EVC2: variants seen among roughly 807,000 people sequenced by gnomAD.
EVC2 encodes the protein EvC ciliary complex subunit 2.
A neutral mutation model predicts 149.3 loss-of-function variants in EVC2; 148 were observed. The observed-to-expected ratio is 0.99, with a 90% CI of 0.87 to 1.14. The LOEUF (loss-of-function observed/expected upper bound fraction) is 1.14. Ranked by LOEUF, EVC2 falls within the 50% of genes most tolerant of loss-of-function variation. The pLI is 0.00. For missense variants in EVC2, 1,854 were observed against 1,627.3 expected, an observed-to-expected ratio of 1.14 and a Z score of -2.40; for synonymous variants, 776 against 649.9, an observed-to-expected ratio of 1.19 and a Z score of -2.95.
chr4:5,667,939 C>T (rs1238953819), intron 7 of EVC2, among the ~76,000 whole-genome samples: 1 of 152,226 alleles, frequency 6.6e-6, no homozygotes, highest in African/African-American at 2.4e-5. Flanking sequence ...ATCCTGAAAT[C>T]CAAGTTTCCA....
chr4:5,637,153 G>A lies in EVC2; in HGVS notation c.1470+3361C>T, dbSNP rs1716939554. Among the ~76,000 whole-genome samples, 2 of 152,172 alleles carry A rather than the reference G, an allele frequency of 1.3e-5. No individual in the cohort carries two copies. Among genetic ancestry groups the A allele is most frequent in the South Asian group, 2.1e-4 (1 of 4,826 alleles). On this transcript the variant is annotated intron_variant, in intron 10 of 21. Transcript: ENST00000344408. The surrounding 1 kb of genome is among the most constrained non-coding windows in gnomAD (Gnocchi z 4.4). ...GCGTGACAGATGGGAGTAGGGCACC[G>A]ACCCAGCATCCTATCCTCATGCTCT...
At chr4:5,558,183 G>A (rs1721873300), downstream of EVC2, among the ~76,000 whole-genome samples, 1 of 152,170 alleles carries the variant, frequency 6.6e-6, no homozygotes, top group Admixed American at 6.5e-5. Flanking sequence ...CAGTAATCAA[G>A]ATAGTGTGGT....
At position 5,631,869 on chromosome 4, in the gene EVC2, A is replaced by T; in HGVS notation, c.1634T>A (p.Ile545Lys). 1 of 1,614,226 alleles carries T rather than the reference A, an allele frequency of 6.2e-7. No individual in the cohort carries two copies. Among genetic ancestry groups the T allele is most frequent in the East Asian group, 2.2e-5 (1 of 44,886 alleles). The change falls in exon 11 of 22, where the codon ATA becomes AAA. Residue 545 changes from isoleucine to lysine, a missense_variant. Physicochemically the swap from Ile to Lys is moderately radical, Grantham distance 102. Coordinates refer to ENST00000344408, the MANE Select transcript of EVC2 (RefSeq NM_147127.5). Reference protein sequence around the residue: ...NELHSIFFTQIKSAIFKGELK... With the variant: ...NELHSIFFTQKKSAIFKGELK... The stretch of plus-strand genomic sequence containing the variant: ...TTCCCCTTTGAAAATAGCACTTTTT[A>T]TCTGGGTAAAAAAGATACTGTGCAG...
intron 7 of EVC2, among the ~76,000 whole-genome samples, chr4:5,678,130 G>A (rs1374389377): frequency 2.0e-5 from 3 of 152,204 alleles, no homozygotes; most frequent in Admixed American, 1.3e-4. Context: ...GATTTTGGGA[G>A]GGTTTCCACT....
At chr4:5,703,861 G>T (rs549536169) in intron 1 of EVC2, among the ~76,000 whole-genome samples, 1 of 152,236 alleles carries the variant, frequency 6.6e-6, no homozygotes, top group East Asian at 1.9e-4. Flanking sequence ...GAGTAATGGG[G>T]GTTGCCATTT....
At chr4:5,604,368 G>T (rs1016128646) in intron 16 of EVC2, among the ~76,000 whole-genome samples, 1 of 152,150 alleles carries the variant, frequency 6.6e-6, no homozygotes, top group Non-Finnish European at 1.5e-5. Context: ...GAATAACACG[G>T]GTTTGAATTG....
In EVC2 at chr4:5,708,532, A is replaced by G. The variant is rs188508515; in HGVS notation, c.-19T>C. The G allele has an allele frequency of 1.7e-3, 2,405 of 1,416,890 alleles. 27 individuals carry two copies. In the African/African-American group the frequency reaches 0.03, roughly 18 times the overall value. The allele number at this position is 1,416,890 out of a possible 1,614,324, so 87.8% of individuals were successfully genotyped here. A position where few individuals can be genotyped will look rare whatever the true frequency, so the allele number is the denominator to read the frequency against. ...GGTCCATCGCCTGTCGGGACCCGCT[A>G]CCTCAAAGCGGCGGGTGCCGCCGAG... is the stretch of plus-strand genomic sequence containing the variant. On this transcript the variant is annotated 5_prime_UTR_variant, in exon 1 of 22. Coordinates refer to ENST00000344408, the MANE Select transcript of EVC2 (RefSeq NM_147127.5).
chr4:5,681,752 T>C (rs1368797730), intron 6 of EVC2, among the ~76,000 whole-genome samples: 1 of 152,172 alleles, frequency 6.6e-6, no homozygotes, highest in Admixed American at 6.5e-5. Flanking sequence ...CCGCTGTGGG[T>C]CTATTCCTAA....
In EVC2 at chr4:5,584,727, A is replaced by G; in HGVS notation, c.2953T>C (p.Tyr985His). 1 of 1,614,156 alleles carries G rather than the reference A, an allele frequency of 6.2e-7. No individual in the cohort carries two copies. Among genetic ancestry groups the G allele is most frequent in the Non-Finnish European group, 8.5e-7 (1 of 1,180,028 alleles). Residue 985 changes from tyrosine to histidine, a missense_variant, in exon 17 of 22, where the codon TAC (tyrosine) becomes CAC (histidine). By Grantham distance (83) the Tyr-to-His change is moderately conservative. Transcript: ENST00000344408. ...ASRVTETLSA[Y>H]TALLSIQDLL... ...TCCTGGATGCTGAGGAGGGCGGTGT[A>G]GGCCGACAGAGTCTCGGTCACCCGG...
intron 16 of EVC2, among the ~76,000 whole-genome samples, chr4:5,592,152 C>T (rs1712864683): frequency 6.6e-6 from 1 of 152,192 alleles, no homozygotes; most frequent in Non-Finnish European, 1.5e-5. Context: ...GAAAACTAGA[C>T]TGGAGAATGT....
At chr4:5,684,379 A>T (rs1341428152) in intron 6 of EVC2, among the ~76,000 whole-genome samples, 1 of 152,230 alleles carries the variant, frequency 6.6e-6, no homozygotes, top group African/African-American at 2.4e-5. Context: ...AGGAGGCCTC[A>T]GGAGGAGGCT....
rs781739158 is a variant in EVC2, at chr4:5,665,588, A to T, written c.932T>A (p.Val311Glu). The change falls in exon 8 of 22, where the codon GTG becomes GAG. Residue 311 changes from valine to glutamate, a missense_variant. Coordinates refer to ENST00000344408, the MANE Select transcript of EVC2 (RefSeq NM_147127.5). ...GAGGAAGAGGGCAGCCCAGGTCAGC[A>T]CAAGGGAGAGGAGGAAGGCAATGAA... is the stretch of plus-strand genomic sequence containing the variant. ...GFFIAFLLSL[V>E]LTWAALFLMV... 4 of 1,614,218 alleles carry T rather than the reference A, an allele frequency of 2.5e-6. No homozygotes were observed. In the South Asian group the frequency reaches 4.4e-5, roughly 18 times the overall value.
At position 5,567,820 on chromosome 4, in the gene EVC2, G is replaced by C. The variant is rs1308875176; in HGVS notation, c.3557+624C>G. On this transcript the variant is annotated intron_variant, in intron 20 of 21. Transcript: ENST00000344408. The surrounding 1 kb of genome is among the most constrained non-coding windows in gnomAD (Gnocchi z 4.4). The stretch of plus-strand genomic sequence containing the variant: ...GAGCCAGTAAAAATAATATCCACCT[G>C]TGCCACGTGTCAATAACATTGAAAG... Among the ~76,000 whole-genome samples, 2 of 152,094 alleles carry C rather than the reference G, an allele frequency of 1.3e-5. No homozygotes were observed. Among genetic ancestry groups the C allele is most frequent in the Admixed American group, 1.3e-4 (2 of 15,270 alleles).
intron 6 of EVC2, among the ~76,000 whole-genome samples, chr4:5,684,576 G>C (rs1016044132): frequency 5.0e-5 from 1 of 20,004 alleles, no homozygotes; most frequent in Admixed American, 5.3e-4. Flanking sequence ...GCCTGTACCC[G>C]GGGTGTGCAG....
intron 21 of EVC2, among the ~76,000 whole-genome samples, chr4:5,555,790 T>C (rs1329740470): frequency 6.6e-6 from 1 of 152,160 alleles, no homozygotes; most frequent in Non-Finnish European, 1.5e-5. Context: ...CTCAATCAAC[T>C]TGATCTAACA....
At chr4:5,541,854 G>A (rs906525446), downstream of EVC2, among the ~76,000 whole-genome samples, 17 of 152,190 alleles carry the variant, frequency 1.1e-4, no homozygotes, top group Non-Finnish European at 1.9e-4. Context: ...GTGGAGAACA[G>A]GACACAGTCC....
At chr4:5,655,570 G>A (rs1280397362) in intron 9 of EVC2, among the ~76,000 whole-genome samples, 1 of 152,126 alleles carries the variant, frequency 6.6e-6, no homozygotes, top group Non-Finnish European at 1.5e-5. Flanking sequence ...CAGACATGCT[G>A]GTTGAGGTTC....
chr4:5,563,541 C>A (rs1458460179), intron 21 of EVC2, among the ~76,000 whole-genome samples: 1 of 152,060 alleles, frequency 6.6e-6, no homozygotes, highest in South Asian at 2.1e-4. Flanking sequence ...GGGGTTTCAC[C>A]ATGTTGGCCA....
At chr4:5,543,300 A>T in intron 21 of EVC2, 1 of 791,332 alleles carries the variant, frequency 1.3e-6, no homozygotes, top group Admixed American at 2.5e-5. Context: ...AGCCGGCAGG[A>T]GCACTCCATA....
Sources: gnomAD v4.1 joint callset for allele counts (sites outside exome capture counted in the v4.1 genomes callset) on GRCh38, gnomAD v4.1.1 for gene constraint, Gnocchi (gnomAD v3.1) non-coding constraint, MANE v1.5 for transcripts, NCBI Gene and HGNC (gene_info 2026-07-23, HGNC 2026-07-21) for gene names.